The following OPCML variants were observed in gnomAD, a reference collection of about 807,000 sequenced individuals.
The protein encoded by OPCML is opioid-binding protein/cell adhesion molecule.
A neutral mutation model predicts 37.8 loss-of-function variants in OPCML; 13 were observed. The ratio of observed to expected loss-of-function variants is 0.34; its 90% CI spans 0.22 to 0.55. The LOEUF is 0.55. OPCML is among the 20% of genes least tolerant of loss of function. The pLI is 0.91. For missense variants in OPCML, 341 were observed against 435.6 expected (o/e 0.78, Z 1.93); for synonymous variants, 176 against 168.8 (o/e 1.04, Z -0.33).
intron 4 of OPCML, among the ~76,000 whole-genome samples, chr11:132,446,691 G>T (rs890282880): frequency 4.6e-5 from 7 of 151,646 alleles, no homozygotes; most frequent in Admixed American, 4.6e-4. Context: ...AACCAACAGG[G>T]TTACTTTAGT....
At chr11:133,122,615 G>C (rs1265626769) in intron 1 of OPCML, among the ~76,000 whole-genome samples, 1 of 152,136 alleles carries the variant, frequency 6.6e-6, no homozygotes, top group East Asian at 1.9e-4. Flanking sequence ...TGGAGAGTGT[G>C]TGAGAGCCAC....
In OPCML at chr11:132,685,513, C is replaced by T. The variant is rs552676276; in HGVS notation, c.147-28194G>A. Among the ~76,000 whole-genome samples the T allele has an allele frequency of 8.5e-5, 13 of 152,248 alleles. No individual in the cohort carries two copies. The South Asian group carries it at 2.7e-3, about 32-fold the overall frequency. ...GTGGGGCAAGTTTCTCTTAGACAAG[C>T]TGCAAAAAACCACAAAGGAGAAGAC... On this transcript the variant is annotated intron_variant, in intron 2 of 7. Coordinates refer to ENST00000524381, the MANE Select transcript of OPCML (RefSeq NM_001012393.5).
At chr11:133,004,575 A>C in intron 1 of OPCML, 1 of 985,448 alleles carries the variant, frequency 1.0e-6, no homozygotes, top group Non-Finnish European at 1.2e-6. Context: ...ATGCCCATGC[A>C]GGCACTGCTG....
At chr11:133,509,486 T>C (rs952183273) in intron 1 of OPCML, among the ~76,000 whole-genome samples, 1 of 152,202 alleles carries the variant, frequency 6.6e-6, no homozygotes, top group East Asian at 1.9e-4. Context: ...GGCATTTGGG[T>C]TTATTCCATG....
At chr11:133,191,521 G>A (rs1005163134) in intron 1 of OPCML, among the ~76,000 whole-genome samples, 1 of 151,710 alleles carries the variant, frequency 6.6e-6, no homozygotes, top group Non-Finnish European at 1.5e-5. Flanking sequence ...GTGTGTGTGT[G>A]TGTGTGTGTG....
intron 1 of OPCML, among the ~76,000 whole-genome samples, chr11:133,086,576 T>G (rs1948821920): frequency 6.6e-6 from 1 of 152,200 alleles, no homozygotes; most frequent in Admixed American, 6.5e-5. Context: ...ATTCAAGGTG[T>G]ACAACGTGAT....
At chr11:133,472,332 G>A (rs1045091810) in intron 1 of OPCML, among the ~76,000 whole-genome samples, 5 of 152,086 alleles carry the variant, frequency 3.3e-5, no homozygotes, top group African/African-American at 1.2e-4. Flanking sequence ...AGGAGACAAT[G>A]GGCCATGTGT....
In OPCML at chr11:132,646,946, T is replaced by C. The variant is rs375387814; in HGVS notation, c.379+10141A>G. Among the ~76,000 whole-genome samples the C allele has an allele frequency of 4.9e-4, 74 of 152,242 alleles. 1 individual carries two copies. In the South Asian group the frequency reaches 0.012, roughly 25 times the overall value. On this transcript the variant is annotated intron_variant, in intron 3 of 7. Coordinates refer to ENST00000524381, the MANE Select transcript of OPCML (RefSeq NM_001012393.5). ...CTCCAAGAAAAAAAGTTATAATTAC[T>C]AAGACAAGATCAACAAAACAAGAGA...
At chr11:133,267,786 T>G (rs572184451) in intron 1 of OPCML, among the ~76,000 whole-genome samples, 1 of 152,154 alleles carries the variant, frequency 6.6e-6, no homozygotes, top group Non-Finnish European at 1.5e-5. Flanking sequence ...ATAAGTCTCA[T>G]GAGATCTGAT....
Position 132,943,160 on chromosome 11 carries a change from G to GCGGGCT in OPCML, c.62-156_62-151dup. The GCGGGCT allele has an allele frequency of 6.2e-7, 1 of 1,600,414 alleles. No individual in the cohort carries two copies. Among genetic ancestry groups the GCGGGCT allele is most frequent in the Non-Finnish European group, 8.5e-7 (1 of 1,169,900 alleles). Reference sequence around the variant, plus strand: ...TCCTGGTCCCCCGCCCCGCGCACCAGCGGGCTCGGGAAGCGGTGCGGGGAG... The same window carrying GCGGGCT: ...TCCTGGTCCCCCGCCCCGCGCACCAGCGGGCTCGGGCTCGGGAAGCGGTGCGGGGAG... On this transcript the variant is annotated intron_variant, in intron 1 of 7. Coordinates refer to ENST00000524381, the MANE Select transcript of OPCML (RefSeq NM_001012393.5). The surrounding 1 kb of genome is among the most constrained non-coding windows in gnomAD (Gnocchi z 4.3).
chr11:132,782,165 C>T (rs1947055141), intron 2 of OPCML, among the ~76,000 whole-genome samples: 2 of 151,624 alleles, frequency 1.3e-5, no homozygotes, highest in East Asian at 1.9e-4. Context: ...GGTGACAAAT[C>T]GACTCATTTA....
At chr11:132,599,865 C>T (rs1937731028) in intron 3 of OPCML, among the ~76,000 whole-genome samples, 1 of 152,076 alleles carries the variant, frequency 6.6e-6, no homozygotes, top group South Asian at 2.1e-4. Flanking sequence ...GCAAACATTT[C>T]CTTTTAGGGG....
At chr11:133,006,728 A>C (rs1947120674) in intron 1 of OPCML, 1 of 985,444 alleles carries the variant, frequency 1.0e-6, no homozygotes. Context: ...ACCTTTCTGC[A>C]CTGTGAGGTG....
chr11:132,891,147 A>G (rs1164526642), intron 2 of OPCML, among the ~76,000 whole-genome samples: 1 of 152,210 alleles, frequency 6.6e-6, no homozygotes, highest in East Asian at 1.9e-4. Context: ...GATTGTTGGT[A>G]ACTTTTTTGG....
At chr11:133,130,087 C>G (rs1429072399) in intron 1 of OPCML, among the ~76,000 whole-genome samples, 2 of 151,426 alleles carry the variant, frequency 1.3e-5, no homozygotes, top group South Asian at 4.2e-4. Flanking sequence ...AATAGTTAAG[C>G]AGAGACATGA....
intron 2 of OPCML, 142 bp from the exon 3 acceptor site, chr11:132,657,461 G>C (rs1941764690): frequency 1.4e-6 from 2 of 1,425,192 alleles, no homozygotes; most frequent in South Asian, 3.1e-5. Context: ...AACAATTATT[G>C]ATGAAACTTC....
intron 1 of OPCML, among the ~76,000 whole-genome samples, chr11:133,226,171 T>C (rs1171834489): frequency 6.6e-6 from 1 of 152,264 alleles, no homozygotes; most frequent in Admixed American, 6.5e-5. Flanking sequence ...GTGCTATGAT[T>C]CCTTCAACAA....
chr11:132,831,529 C>T (rs939393389), intron 2 of OPCML, among the ~76,000 whole-genome samples: 1 of 152,134 alleles, frequency 6.6e-6, no homozygotes, highest in South Asian at 2.1e-4. Flanking sequence ...AGAATCCACA[C>T]TGCCATTTTC....
chr11:132,759,918 T>A (rs1230439529), intron 2 of OPCML, among the ~76,000 whole-genome samples: 1 of 152,238 alleles, frequency 6.6e-6, no homozygotes, highest in African/African-American at 2.4e-5. Context: ...CTTTCCCGCT[T>A]TCTCATGTGG....
Sources: gnomAD v4.1 joint callset for allele counts (sites outside exome capture counted in the v4.1 genomes callset) on GRCh38, gnomAD v4.1.1 for gene constraint, Gnocchi (gnomAD v3.1) non-coding constraint, MANE v1.5 for transcripts, NCBI Gene and HGNC (gene_info 2026-07-23, HGNC 2026-07-21) for gene names.